GALNT9: variants seen among roughly 807,000 people sequenced by gnomAD.
The protein encoded by GALNT9 is polypeptide N-acetylgalactosaminyltransferase 9, also known as GalNAc transferase 9.
A neutral mutation model predicts 63.1 loss-of-function variants in GALNT9; 47 were observed. The observed-to-expected ratio is 0.75, with a 90% CI of 0.59 to 0.95. GALNT9 has a LOEUF of 0.95. Among genes scored for constraint, GALNT9 ranks in the 40% least tolerant of loss-of-function variants. The pLI is 0.00. For synonymous variants in GALNT9, 396 were observed against 365.7 expected (o/e 1.08, Z -0.94); for missense variants, 829 against 874.8 (o/e 0.95, Z 0.66).
chr12:132,304,873 A>G (rs1303438165), intron 1 of GALNT9, among the ~76,000 whole-genome samples: 1 of 27,058 alleles, frequency 3.7e-5, no homozygotes. Context: ...AATCGCCCAG[A>G]CACACCCTCA....
intron 1 of GALNT9, among the ~76,000 whole-genome samples, chr12:132,304,512 C>A: frequency 1.5e-5 from 1 of 64,552 alleles, no homozygotes; most frequent in African/African-American, 9.2e-5. Flanking sequence ...CGGGCACACC[C>A]TCGCCCGGAC....
intron 1 of GALNT9, among the ~76,000 whole-genome samples, chr12:132,288,691 G>A (rs782748804): frequency 2.7e-5 from 4 of 150,710 alleles, no homozygotes; most frequent in African/African-American, 9.8e-5. Context: ...CATTGGACCC[G>A]GCAGGAGGGT....
At chr12:132,311,381 G>C (rs1002695078) in intron 1 of GALNT9, among the ~76,000 whole-genome samples, 3 of 152,166 alleles carry the variant, frequency 2.0e-5, no homozygotes, top group African/African-American at 7.2e-5. Context: ...GCCTGAACTC[G>C]GCGTTAGAGG....
chr12:132,200,934 TCA>T (rs1217620943), intron 8 of GALNT9, 188 bp downstream of exon 8: 1 of 589,804 alleles, frequency 1.7e-6, no homozygotes, highest in East Asian at 2.9e-5. Flanking sequence ...TGTGCCTGCA[TCA>T]CCGTGAATGC....
Position 132,203,688 on chromosome 12 carries a change from C to A in GALNT9, c.1080G>T (p.Val360=). The A allele has an allele frequency of 6.2e-7, 1 of 1,611,976 alleles. No homozygotes were observed. Among genetic ancestry groups the A allele is most frequent in the South Asian group, 1.1e-5 (1 of 91,060 alleles). The change falls in exon 7 of 11, where the codon GTG becomes GTT. Residue 360 remains valine, a splice_region_variant and synonymous_variant. Coordinates refer to ENST00000328957, the MANE Select transcript of GALNT9 (RefSeq NM_001122636.2). ...GGENVELGMR[V]WQCGGSMEVL... The stretch of plus-strand genomic sequence containing the variant: ...CCTCCATGCTGCCGCCACACTGCCA[C>A]ACCTGCGGGGAGACGGCGCTGGGTG...
chr12:132,280,853 C>T (rs1419671308), intron 2 of GALNT9: 1 of 152,316 alleles, frequency 6.6e-6, no homozygotes, highest in African/African-American at 2.4e-5. Context: ...CACGTCCCCG[C>T]TCTGCCACCT....
chr12:132,321,509 C>A (rs1014082787), intron 1 of GALNT9, among the ~76,000 whole-genome samples: 1 of 152,330 alleles, frequency 6.6e-6, no homozygotes, highest in East Asian at 1.9e-4. Context: ...GGGAGTGCAG[C>A]CAGCACCCTT....
intron 5 of GALNT9, 59 bp from the exon 6 acceptor site, chr12:132,248,086 T>C: frequency 2.0e-6 from 3 of 1,504,954 alleles, no homozygotes; most frequent in South Asian, 1.3e-5. Flanking sequence ...CCCTGCCTGC[T>C]GGGCCATGAG....
intron 6 of GALNT9, among the ~76,000 whole-genome samples, chr12:132,215,633 AGCCAGC>A (rs1396450316): frequency 1.3e-5 from 2 of 152,194 alleles, no homozygotes; most frequent in African/African-American, 4.8e-5. Flanking sequence ...TCAAGAATGA[AGCCAGC>A]CCTCTTTGTA....
At position 132,238,539 on chromosome 12, in the gene GALNT9, C is replaced by T. The variant is rs1441593641; in HGVS notation, c.1077+9371G>A. 6.6e-6 allele frequency among the ~76,000 whole-genome samples: 1 copy of T among 152,162 alleles called. No individual in the cohort carries two copies. Among genetic ancestry groups the T allele is most frequent in the Middle Eastern group, 3.4e-3 (1 of 294 alleles). On this transcript the variant is annotated intron_variant, in intron 6 of 10. Transcript: ENST00000328957. The surrounding 1 kb of genome is among the most constrained non-coding windows in gnomAD (Gnocchi z 6.5). Reference sequence around the variant, plus strand: ...CAGATGCCCAGGACAGGCCAGAGGGCGGGGCCGTGGCATGGGGAGGGGCTG... The same window carrying T: ...CAGATGCCCAGGACAGGCCAGAGGGTGGGGCCGTGGCATGGGGAGGGGCTG...
Position 132,238,181 on chromosome 12 carries a change from C to T in GALNT9, c.1077+9729G>A, listed in dbSNP as rs1000851965. Among the ~76,000 whole-genome samples, 7 of 152,174 alleles carry T rather than the reference C, an allele frequency of 4.6e-5. No homozygotes were observed. Among genetic ancestry groups the T allele is most frequent in the Non-Finnish European group, 7.3e-5 (5 of 68,030 alleles). On this transcript the variant is annotated intron_variant, in intron 6 of 10. Transcript: ENST00000328957. This position sits in a 1 kb window ranked among gnomAD's most constrained non-coding sequence, Gnocchi z 6.5. ...GCTGATGCTTCCAAGGCTAAGGACG[C>T]GGGCAGGGGCTGCTCAGGACCCAGG...
chr12:132,303,993 A>G (rs1454520643), intron 1 of GALNT9, among the ~76,000 whole-genome samples: 3 of 24,448 alleles, frequency 1.2e-4, no homozygotes, highest in African/African-American at 1.8e-4. Context: ...CCTCACCCAG[A>G]CACAGCCTCA....
intron 1 of GALNT9, among the ~76,000 whole-genome samples, chr12:132,328,624 G>GC (rs1869147827): frequency 6.6e-6 from 1 of 152,002 alleles, no homozygotes; most frequent in Non-Finnish European, 1.5e-5. Flanking sequence ...CGCCAAGCCA[G>GC]CCCCCCACCC....
At chr12:132,302,693 C>A (rs1331370035) in intron 1 of GALNT9, among the ~76,000 whole-genome samples, 5 of 152,196 alleles carry the variant, frequency 3.3e-5, no homozygotes, top group Non-Finnish European at 5.9e-5. Context: ...AGGTGTGGGT[C>A]AGAGGCAGGG....
chr12:132,303,050 G>A (rs1881363243), intron 1 of GALNT9, among the ~76,000 whole-genome samples: 1 of 150,106 alleles, frequency 6.7e-6, no homozygotes. Flanking sequence ...TGTGGACATG[G>A]AAGACGCGGT....
intron 10 of GALNT9, 42 bp downstream of exon 10, chr12:132,197,750 G>GCCCCCCCCCCCCCCCCC: frequency 2.4e-6 from 3 of 1,266,488 alleles, no homozygotes; most frequent in Non-Finnish European, 3.3e-6. Context: ...CAGCAGCCCT[G>GCCCCCCCCCCCCCCCCC]CCCCGCCCCA....
chr12:132,198,106 G>A (rs1593457042), intron 9 of GALNT9, 147 bp from the exon 10 acceptor site: 1 of 680,496 alleles, frequency 1.5e-6, no homozygotes, highest in Non-Finnish European at 2.4e-6. Context: ...GCTGTTGCGG[G>A]CGGGAGAGGA....
intron 2 of GALNT9, among the ~76,000 whole-genome samples, chr12:132,264,127 C>T (rs1464611350): frequency 1.3e-5 from 2 of 152,198 alleles, no homozygotes; most frequent in African/African-American, 4.8e-5. Context: ...CACTTCTTGC[C>T]CCAGAATATC....
chr12:132,228,330 C>T (rs956892937), intron 6 of GALNT9, among the ~76,000 whole-genome samples: 6 of 151,922 alleles, frequency 3.9e-5, no homozygotes, highest in African/African-American at 9.7e-5. Flanking sequence ...GTGTGGGTGG[C>T]GGGGCGGCCC....
Sources: gnomAD v4.1 joint callset for allele counts (sites outside exome capture counted in the v4.1 genomes callset) on GRCh38, gnomAD v4.1.1 for gene constraint, Gnocchi (gnomAD v3.1) non-coding constraint, MANE v1.5 for transcripts, NCBI Gene and HGNC (gene_info 2026-07-23, HGNC 2026-07-21) for gene names.